NKAIN2: variants seen among roughly 807,000 people sequenced by gnomAD.
NKAIN2 encodes sodium/potassium transporting ATPase interacting 2.
A neutral mutation model predicts 32.6 loss-of-function variants in NKAIN2; 14 were observed. The ratio of observed to expected loss-of-function variants is 0.43; its 90% confidence interval spans 0.28 to 0.67. The LOEUF (loss-of-function observed/expected upper bound fraction) is 0.67. Among genes scored for constraint, NKAIN2 ranks in the 30% least tolerant of loss-of-function variants. NKAIN2 has a pLI of 0.17. For synonymous variants in NKAIN2, 80 were observed against 87.2 expected (o/e 0.92, Z 0.46); for missense variants, 198 against 258.3 (o/e 0.77, Z 1.60).
chr6:124,159,820 G>T (rs1471239627), intron 1 of NKAIN2, among the ~76,000 whole-genome samples: 1 of 152,096 alleles, frequency 6.6e-6, no homozygotes, highest in Non-Finnish European at 1.5e-5. Flanking sequence ...ACCAAAGTGT[G>T]CATATGGAAG....
At chr6:124,800,264 A>G (rs1780190126) in intron 5 of NKAIN2, among the ~76,000 whole-genome samples, 1 of 152,156 alleles carries the variant, frequency 6.6e-6, no homozygotes, top group South Asian at 2.1e-4. Context: ...CTCCTTCTTA[A>G]CAGCAGGAGG....
intron 4 of NKAIN2, among the ~76,000 whole-genome samples, chr6:124,764,238 C>G (rs1778407293): frequency 8.3e-6 from 1 of 120,510 alleles, no homozygotes; most frequent in Non-Finnish European, 1.9e-5. Flanking sequence ...AAATTGGCAA[C>G]ACAGGCAGAT....
In NKAIN2 at chr6:124,014,781, C is replaced by T. The variant is rs544742130; in HGVS notation, c.54+210527C>T. Reference sequence around the variant, plus strand: ...TTTTTTGCTTTAGTACTTTTATTTACATTAAAAGTTTTAGCATGATTGTTT... The same window carrying T: ...TTTTTTGCTTTAGTACTTTTATTTATATTAAAAGTTTTAGCATGATTGTTT... On this transcript the variant is annotated intron_variant, in intron 1 of 6. Transcript: ENST00000368417. Among the ~76,000 whole-genome samples the T allele has an allele frequency of 5.9e-5, 9 of 152,160 alleles. No homozygotes were observed. In the South Asian group the frequency reaches 1.9e-3, roughly 32 times the overall value.
chr6:124,488,602 T>A (rs1284138759), intron 3 of NKAIN2, among the ~76,000 whole-genome samples: 2 of 151,986 alleles, frequency 1.3e-5, no homozygotes, highest in African/African-American at 4.8e-5. Context: ...AGCACAATGG[T>A]GGAGGGAAGG....
chr6:124,812,249 T>C (rs1780934562), intron 5 of NKAIN2, among the ~76,000 whole-genome samples: 1 of 152,272 alleles, frequency 6.6e-6, no homozygotes, highest in African/African-American at 2.4e-5. Context: ...CTATAAAAAG[T>C]CTTCTCTTTA....
At chr6:124,371,098 C>T (rs544620417) in intron 3 of NKAIN2, among the ~76,000 whole-genome samples, 1 of 152,040 alleles carries the variant, frequency 6.6e-6, no homozygotes, top group African/African-American at 2.4e-5. Context: ...AAATAAAAAA[C>T]AAAGATAGCT....
chr6:124,154,558 A>G (rs898485868), intron 1 of NKAIN2, among the ~76,000 whole-genome samples: 3 of 151,886 alleles, frequency 2.0e-5, no homozygotes, highest in African/African-American at 4.8e-5. Context: ...ACTCTTTTTT[A>G]TGTACGTATT....
chr6:124,427,048 A>C (rs761762685), intron 3 of NKAIN2, among the ~76,000 whole-genome samples: 1 of 152,118 alleles, frequency 6.6e-6, no homozygotes, highest in Non-Finnish European at 1.5e-5. Flanking sequence ...ATACACATAC[A>C]CTCTGGTGAG....
chr6:124,012,367 G>A (rs947822678), intron 1 of NKAIN2, among the ~76,000 whole-genome samples: 5 of 116,282 alleles, frequency 4.3e-5, no homozygotes, highest in African/African-American at 1.7e-4. Flanking sequence ...ACAGAGTCTT[G>A]CTCTCTCACC....
chr6:123,988,049 A>T (rs1779224314), intron 1 of NKAIN2, among the ~76,000 whole-genome samples: 1 of 152,332 alleles, frequency 6.6e-6, no homozygotes, highest in East Asian at 1.9e-4. Flanking sequence ...GAAGACTATT[A>T]CTGCCTCACG....
chr6:124,368,260 C>T (rs2114311315), intron 3 of NKAIN2, among the ~76,000 whole-genome samples: 1 of 152,242 alleles, frequency 6.6e-6, no homozygotes, highest in African/African-American at 2.4e-5. Context: ...TGTTGGCCTT[C>T]CTTACTCTTG....
intron 1 of NKAIN2, among the ~76,000 whole-genome samples, chr6:124,095,458 A>G (rs1344489414): frequency 6.6e-6 from 1 of 152,186 alleles, no homozygotes; most frequent in East Asian, 1.9e-4. Context: ...AAATGTTAGT[A>G]CAATTATTAT....
At chr6:124,522,851 A>T (rs1056295383) in intron 3 of NKAIN2, among the ~76,000 whole-genome samples, 1 of 151,690 alleles carries the variant, frequency 6.6e-6, no homozygotes, top group Non-Finnish European at 1.5e-5. Flanking sequence ...GGTTAAGAAA[A>T]AAAGATCTTT....
intron 1 of NKAIN2, among the ~76,000 whole-genome samples, chr6:124,275,035 A>G (rs1794965123): frequency 6.6e-6 from 1 of 152,098 alleles, no homozygotes; most frequent in South Asian, 2.1e-4. Context: ...GTTACTTTTT[A>G]GAAGAATTTT....
intron 4 of NKAIN2, among the ~76,000 whole-genome samples, chr6:124,672,682 G>A: frequency 6.6e-6 from 1 of 152,024 alleles, no homozygotes; most frequent in Non-Finnish European, 1.5e-5. Context: ...ATGAGGCTGT[G>A]TGGAATAAGG....
At chr6:124,508,799 C>T (rs539252) in intron 3 of NKAIN2, among the ~76,000 whole-genome samples, 75,992 of 151,932 alleles carry the variant, frequency 0.5, 19,646 homozygotes, top group South Asian at 0.57. Flanking sequence ...AGACAATCTT[C>T]GATTTTGGTT....
At chr6:124,354,932 T>C (rs1340680896) in intron 2 of NKAIN2, among the ~76,000 whole-genome samples, 9 of 149,334 alleles carry the variant, frequency 6.0e-5, no homozygotes, top group Non-Finnish European at 1.5e-5. Context: ...TAGCTGGGTG[T>C]GGTGGTGCGC....
At chr6:124,190,011 G>T (rs1434680184) in intron 1 of NKAIN2, among the ~76,000 whole-genome samples, 2 of 152,212 alleles carry the variant, frequency 1.3e-5, no homozygotes, top group Non-Finnish European at 2.9e-5. Context: ...CAATTAATGT[G>T]AAGTGTTTTA....
chr6:123,831,598 C>T (rs960151570), intron 1 of NKAIN2, among the ~76,000 whole-genome samples: 1 of 150,374 alleles, frequency 6.7e-6, no homozygotes, highest in African/African-American at 2.4e-5. Context: ...CCATACCCCT[C>T]TGCTGTTAAA....
Sources: allele counts gnomAD v4.1 joint callset (sites outside exome capture counted in the v4.1 genomes callset), GRCh38; gene constraint gnomAD v4.1.1; transcripts MANE v1.5; gene names NCBI Gene and HGNC (gene_info 2026-07-23, HGNC 2026-07-21).